The following SLC44A5 variants were observed in gnomAD, a reference collection of about 807,000 sequenced individuals.
SLC44A5 encodes the protein solute carrier family 44 member 5.
SLC44A5 carries 57 observed loss-of-function variants against 101.8 expected under a neutral mutation model. That is an observed-to-expected ratio of 0.56 (90% CI 0.45 to 0.70). SLC44A5 has a LOEUF of 0.70. Ranked by LOEUF, SLC44A5 falls within the 30% of genes least tolerant of loss-of-function variation. The pLI is 0.00. For synonymous variants in SLC44A5, 281 were observed against 290.9 expected (o/e 0.97, Z 0.35); for missense variants, 737 against 853.1 (o/e 0.86, Z 1.70).
chr1:75,227,658 T>A, intron 13 of SLC44A5, 68 bp downstream of exon 13: 1 of 1,356,942 alleles, frequency 7.4e-7, no homozygotes, highest in Non-Finnish European at 9.8e-7. Context: ...AACCCAAGTT[T>A]TCCTTTAGGC....
chr1:75,609,537 T>C (rs917976748), intron 1 of SLC44A5, among the ~76,000 whole-genome samples: 1 of 152,066 alleles, frequency 6.6e-6, no homozygotes, highest in African/African-American at 2.4e-5. Flanking sequence ...TTTAGGGCTT[T>C]TGTATTCTCT....
intron 3 of SLC44A5, among the ~76,000 whole-genome samples, chr1:75,345,802 C>T (rs1202138775): frequency 6.6e-6 from 1 of 152,088 alleles, no homozygotes; most frequent in African/African-American, 2.4e-5. Context: ...ACACCACCCC[C>T]AAAGTCTTCT....
At chr1:75,431,660 CTTT>C (rs1180585244) in intron 2 of SLC44A5, among the ~76,000 whole-genome samples, 1 of 151,948 alleles carries the variant, frequency 6.6e-6, no homozygotes, top group Non-Finnish European at 1.5e-5. Context: ...CACTCATTGT[CTTT>C]TTATCACTTT....
chr1:75,204,913 C>T (rs1466672482), intron 23 of SLC44A5: 3 of 152,182 alleles, frequency 2.0e-5, no homozygotes, highest in African/African-American at 4.8e-5. Flanking sequence ...ATAGTTATAA[C>T]AAATTCTCAG....
At chr1:75,207,885 A>G (rs1420209964) in intron 23 of SLC44A5, among the ~76,000 whole-genome samples, 2 of 152,260 alleles carry the variant, frequency 1.3e-5, no homozygotes, top group African/African-American at 4.8e-5. Context: ...CTGGCAGGGA[A>G]TCCTCCCTTT....
chr1:75,254,689 A>G (rs938944725), intron 6 of SLC44A5, among the ~76,000 whole-genome samples: 12 of 152,180 alleles, frequency 7.9e-5, no homozygotes, highest in African/African-American at 2.9e-4. Flanking sequence ...CAATGAATGC[A>G]CATACAGGGG....
In SLC44A5 at chr1:75,260,971, A is replaced by C. The variant is rs1038621790; in HGVS notation, c.261-9677T>G. Among the ~76,000 whole-genome samples the C allele has an allele frequency of 1.4e-4, 21 of 152,146 alleles. 1 individual carries two copies. The highest frequency in any genetic ancestry group is 2.5e-4 in the Non-Finnish European group (17 of 68,042). On this transcript the variant is annotated intron_variant, in intron 6 of 23. Transcript: ENST00000370859. ...GGCAGAAATATAGATGTTCTTTGAA[A>C]CCAATGAGAACAAAGACACACCATA...
intron 5 of SLC44A5, among the ~76,000 whole-genome samples, chr1:75,283,028 G>A (rs1461172356): frequency 1.3e-5 from 2 of 152,116 alleles, no homozygotes; most frequent in South Asian, 2.1e-4. Flanking sequence ...ACCCAGTAGA[G>A]GGACTGCTGG....
intron 1 of SLC44A5, among the ~76,000 whole-genome samples, chr1:75,559,023 T>C (rs1314953610): frequency 1.3e-5 from 2 of 152,080 alleles, no homozygotes; most frequent in African/African-American, 2.4e-5. Flanking sequence ...AAGCCTGTTA[T>C]CTACTAAGAA....
chr1:75,450,148 C>T (rs543931197), intron 2 of SLC44A5, among the ~76,000 whole-genome samples: 1 of 152,218 alleles, frequency 6.6e-6, no homozygotes, highest in African/African-American at 2.4e-5. Flanking sequence ...CCCGTGACAC[C>T]AATTTGCTGA....
chr1:75,404,494 G>A (rs1486109592), intron 2 of SLC44A5, among the ~76,000 whole-genome samples: 1 of 152,188 alleles, frequency 6.6e-6, no homozygotes, highest in African/African-American at 2.4e-5. Context: ...ACTAACAGTG[G>A]ATCTCTCTGC....
At chr1:75,436,150 C>T (rs896467060) in intron 2 of SLC44A5, among the ~76,000 whole-genome samples, 1 of 152,046 alleles carries the variant, frequency 6.6e-6, no homozygotes, top group African/African-American at 2.4e-5. Context: ...AAGATGTAAA[C>T]ATCTTTATCT....
chr1:75,278,612 T>C (rs1652127060), intron 5 of SLC44A5, among the ~76,000 whole-genome samples: 1 of 152,168 alleles, frequency 6.6e-6, no homozygotes. Context: ...TAATTTATAA[T>C]TAAATAGTAT....
At chr1:75,395,931 A>T (rs12405357) in intron 3 of SLC44A5, among the ~76,000 whole-genome samples, 12,149 of 152,228 alleles carry the variant, frequency 0.08, 683 homozygotes, top group Admixed American at 0.18. Context: ...TTATTTATAT[A>T]CCTCAGGGGC....
intron 5 of SLC44A5, among the ~76,000 whole-genome samples, chr1:75,282,569 T>C (rs1446405894): frequency 3.3e-5 from 5 of 152,148 alleles, no homozygotes; most frequent in Non-Finnish European, 7.4e-5. Flanking sequence ...CCCACCAAAA[T>C]TTCATCTTGA....
chr1:75,211,388 C>A (rs2100450233), intron 23 of SLC44A5, 80 bp downstream of exon 23: 1 of 1,087,936 alleles, frequency 9.2e-7, no homozygotes, highest in South Asian at 1.4e-5. Flanking sequence ...GATCCCCAAG[C>A]CAGCTAAGGA....
chr1:75,384,983 G>C (rs1438066629), intron 3 of SLC44A5, among the ~76,000 whole-genome samples: 1 of 151,544 alleles, frequency 6.6e-6, no homozygotes, highest in Non-Finnish European at 1.5e-5. Context: ...AATGAAGGCA[G>C]AAATAAAGAT....
rs553601896 is a variant in SLC44A5, at chr1:75,415,560, C to T, written c.14-18939G>A. 1.9e-3 allele frequency among the ~76,000 whole-genome samples: 294 copies of T among 152,160 alleles called. 1 individual carries two copies. The highest frequency in any genetic ancestry group is 2.5e-3 in the Non-Finnish European group (170 of 67,992). On this transcript the variant is annotated intron_variant, in intron 2 of 23. Transcript: ENST00000370859. ...AGAGTGGGGCGCTGCTGAAAAGATA[C>T]CCAAAAATGTGAAAGCAACTTTGGA... is the stretch of plus-strand genomic sequence containing the variant.
chr1:75,673,676 G>T, the SLC44A5 span, among the ~76,000 whole-genome samples: 1 of 152,156 alleles, frequency 6.6e-6, no homozygotes, highest in African/African-American at 2.4e-5. Context: ...GACCACAAGA[G>T]TGCTTGTGCC....
Sources: gnomAD v4.1 joint callset for allele counts (sites outside exome capture counted in the v4.1 genomes callset) on GRCh38, gnomAD v4.1.1 for gene constraint, MANE v1.5 for transcripts, NCBI Gene and HGNC (gene_info 2026-07-23, HGNC 2026-07-21) for gene names.